Variants in STAU2 observed in about 807,000 individuals in gnomAD.
STAU2 encodes double-stranded RNA-binding protein Staufen homolog 2.
In STAU2, 20 loss-of-function variants were observed where a neutral mutation model predicts 65.9. That is an observed-to-expected ratio of 0.30 (90% CI 0.21 to 0.44). STAU2 has a LOEUF of 0.44. Ranked by LOEUF, STAU2 falls within the 20% of genes least tolerant of loss-of-function variation. STAU2 has a pLI of 1.00. For synonymous variants in STAU2, 232 were observed against 233.9 expected (o/e 0.99, Z 0.07); for missense variants, 558 against 683.9 (o/e 0.82, Z 2.05).
At chr8:73,590,163 G>GA (rs1810667011) in intron 11 of STAU2, among the ~76,000 whole-genome samples, 1 of 150,490 alleles carries the variant, frequency 6.6e-6, no homozygotes, top group African/African-American at 2.4e-5. Context: ...GGATAAGAAG[G>GA]AGAAGAAGAA....
At chr8:73,746,327 G>T (rs1047902557) in intron 1 of STAU2, among the ~76,000 whole-genome samples, 5 of 149,562 alleles carry the variant, frequency 3.3e-5, no homozygotes, top group Non-Finnish European at 7.4e-5. Context: ...TACTCTAGGC[G>T]CTCCCTCTCC....
intron 13 of STAU2, among the ~76,000 whole-genome samples, chr8:73,429,055 CA>C (rs139014545): frequency 0.017 from 2,572 of 152,284 alleles, 39 homozygotes; most frequent in East Asian, 0.042. Flanking sequence ...TAAAAGCTTC[CA>C]AGGGGCAGTC....
intron 6 of STAU2, chr8:73,670,463 A>G (rs1817594920): frequency 6.6e-6 from 1 of 152,070 alleles, no homozygotes; most frequent in South Asian, 2.1e-4. Context: ...AAGAGGAACT[A>G]AAGGACAACA....
At chr8:73,664,440 A>G (rs1040056492) in intron 6 of STAU2, among the ~76,000 whole-genome samples, 1 of 152,188 alleles carries the variant, frequency 6.6e-6, no homozygotes, top group African/African-American at 2.4e-5. Context: ...TGTTTGAAGA[A>G]GCCCTTTATC....
At chr8:73,470,464 T>C (rs1163204138) in intron 13 of STAU2, among the ~76,000 whole-genome samples, 5 of 152,098 alleles carry the variant, frequency 3.3e-5, no homozygotes, top group African/African-American at 1.2e-4. Context: ...TAAAGCAAAG[T>C]CGTAGGCTGG....
intron 13 of STAU2, among the ~76,000 whole-genome samples, chr8:73,473,997 C>T (rs1022990952): frequency 6.6e-5 from 10 of 152,172 alleles, no homozygotes; most frequent in African/African-American, 2.4e-4. Flanking sequence ...TGTTTTCATA[C>T]ACTCTGTGAT....
chr8:73,706,190 C>A (rs1478476814), intron 4 of STAU2, among the ~76,000 whole-genome samples: 1 of 152,040 alleles, frequency 6.6e-6, no homozygotes, highest in Non-Finnish European at 1.5e-5. Flanking sequence ...AATCTTGGCT[C>A]ACTGCAACCT....
intron 1 of STAU2, among the ~76,000 whole-genome samples, chr8:73,746,435 C>T (rs575818516): frequency 2.6e-4 from 40 of 152,030 alleles, no homozygotes; most frequent in African/African-American, 9.6e-4. Context: ...CAGCCGCGTT[C>T]CTGTCTCCCC....
intron 12 of STAU2, among the ~76,000 whole-genome samples, chr8:73,577,154 T>C (rs1166866760): frequency 6.6e-6 from 1 of 152,134 alleles, no homozygotes; most frequent in Non-Finnish European, 1.5e-5. Flanking sequence ...TATGGCCGGG[T>C]ACACTGGCTC....
intron 3 of STAU2, among the ~76,000 whole-genome samples, chr8:73,729,030 T>A (rs540640825): frequency 6.6e-6 from 1 of 152,210 alleles, no homozygotes. Context: ...TCTTTTACTA[T>A]TGAGTTGGAT....
chr8:73,468,162 A>G (rs1164598594), intron 13 of STAU2, among the ~76,000 whole-genome samples: 1 of 152,244 alleles, frequency 6.6e-6, no homozygotes, highest in African/African-American at 2.4e-5. Flanking sequence ...ACACATCTAT[A>G]CTATCTGATC....
At chr8:73,572,716 C>A (rs545894081) in intron 12 of STAU2, among the ~76,000 whole-genome samples, 1 of 152,258 alleles carries the variant, frequency 6.6e-6, no homozygotes, top group South Asian at 2.1e-4. Context: ...GCTAAAAACT[C>A]TGAAAAAACT....
chr8:73,611,942 A>G (rs1415649449), intron 9 of STAU2, among the ~76,000 whole-genome samples: 1 of 152,016 alleles, frequency 6.6e-6, no homozygotes, highest in Non-Finnish European at 1.5e-5. Flanking sequence ...TCAGCCTCCC[A>G]AAAGTGCTGG....
intron 6 of STAU2, among the ~76,000 whole-genome samples, chr8:73,659,281 T>C (rs1310683697): frequency 1.3e-5 from 2 of 152,200 alleles, no homozygotes; most frequent in Admixed American, 1.3e-4. Context: ...CTCATGCCTG[T>C]AATCCCAGCA....
At chr8:73,699,956 C>T (rs570941997) in intron 4 of STAU2, among the ~76,000 whole-genome samples, 5 of 149,716 alleles carry the variant, frequency 3.3e-5, no homozygotes, top group Admixed American at 3.3e-4. Context: ...TCCAACAATA[C>T]ATTTAAAAGA....
At chr8:73,515,773 C>CT (rs75132374) in intron 13 of STAU2, among the ~76,000 whole-genome samples, 30,000 of 90,578 alleles carry the variant, frequency 0.33, 7,116 homozygotes, top group Non-Finnish European at 0.41. Context: ...AAAAATTTCT[C>CT]TTTTTTTTTT....
chr8:73,642,841 T>TA (rs1158950401), intron 6 of STAU2, among the ~76,000 whole-genome samples: 6 of 152,088 alleles, frequency 3.9e-5, no homozygotes, highest in Non-Finnish European at 5.9e-5. Flanking sequence ...TAAATACCTC[T>TA]AAAATGGGAG....
intron 13 of STAU2, among the ~76,000 whole-genome samples, chr8:73,467,336 T>C (rs921721003): frequency 1.3e-5 from 2 of 152,082 alleles, no homozygotes; most frequent in African/African-American, 4.8e-5. Flanking sequence ...ATCAAGACCA[T>C]CCTGGCTAAC....
In STAU2 at chr8:73,482,077, G is replaced by A. The variant is rs79160951; in HGVS notation, c.1531-59375C>T. 7.2e-3 allele frequency among the ~76,000 whole-genome samples: 1,094 copies of A among 152,154 alleles called. 11 individuals are homozygous for A. The highest frequency in any genetic ancestry group is 0.024 in the African/African-American group (1,000 of 41,524). On this transcript the variant is annotated intron_variant, in intron 13 of 14. Coordinates refer to ENST00000524300, the MANE Select transcript of STAU2 (RefSeq NM_001164380.2). ...TGCGGCTGGTTTATACTGTTTGAGC[G>A]CCTCCGAGGTGTGGGGCCACACTTG... is the stretch of plus-strand genomic sequence containing the variant.
Sources: allele counts gnomAD v4.1 joint callset (sites outside exome capture counted in the v4.1 genomes callset), GRCh38; gene constraint gnomAD v4.1.1; transcripts MANE v1.5; gene names NCBI Gene and HGNC (gene_info 2026-07-23, HGNC 2026-07-21).